ADGRE2: variants seen among roughly 807,000 people sequenced by gnomAD.
ADGRE2 encodes the protein adhesion G protein-coupled receptor E2.
A neutral mutation model predicts 100.8 loss-of-function variants in ADGRE2; 83 were observed. That is an observed-to-expected ratio of 0.82 (90% CI 0.69 to 0.99). The LOEUF (loss-of-function observed/expected upper bound fraction) is 0.99, where lower values mean the gene tolerates loss of function less well. ADGRE2 is among the 50% of genes least tolerant of loss of function. The pLI, the probability that ADGRE2 is intolerant of heterozygous loss-of-function variation, is 0.00. For missense variants in ADGRE2, 814 were observed against 1,035.7 expected, an observed-to-expected ratio of 0.79 and a Z score of 2.94; for synonymous variants, 355 against 413.0, an observed-to-expected ratio of 0.86 and a Z score of 1.70.
At chr19:14,736,936 T>C (rs2147078446) in intron 20 of ADGRE2, among the ~76,000 whole-genome samples, 1 of 104,898 alleles carries the variant, frequency 9.5e-6, no homozygotes. Context: ...TATTTAGAAA[T>C]ATATATGACT....
chr19:14,773,919 T>G lies in ADGRE2; in HGVS notation c.199+19A>C. On this transcript the variant is annotated intron_variant, in intron 4 of 20. Transcript: ENST00000315576. The stretch of plus-strand genomic sequence containing the variant: ...TCATAATCGCAGATGTCCCCTGCGC[T>G]GCCCTCAAGCCTCTGTACCGTCACA... The G allele has an allele frequency of 6.2e-7, 1 of 1,610,502 alleles. No homozygotes were observed. The highest frequency in any genetic ancestry group is 8.5e-7 in the Non-Finnish European group (1 of 1,176,670).
intron 18 of ADGRE2, 74 bp downstream of exon 18, chr19:14,746,158 G>T: frequency 1.2e-6 from 1 of 857,946 alleles, no homozygotes; most frequent in Non-Finnish European, 1.9e-6. Flanking sequence ...GACCTCAGTG[G>T]CTGCTGAGGC....
chr19:14,744,599 C>T (rs1379904828), intron 18 of ADGRE2, among the ~76,000 whole-genome samples: 1 of 151,730 alleles, frequency 6.6e-6, no homozygotes, highest in Non-Finnish European at 1.5e-5. Context: ...GGATTATAGA[C>T]GCCCACCACC....
intron 11 of ADGRE2, among the ~76,000 whole-genome samples, chr19:14,761,193 G>A (rs1199957719): frequency 6.6e-6 from 1 of 152,204 alleles, no homozygotes; most frequent in Admixed American, 6.5e-5. Context: ...CACGAGGTCA[G>A]GACATCAAGA....
intron 5 of ADGRE2, among the ~76,000 whole-genome samples, chr19:14,770,491 C>T (rs779282561): frequency 5.3e-5 from 8 of 152,036 alleles, no homozygotes; most frequent in Non-Finnish European, 8.8e-5. Context: ...AACAGAGGCT[C>T]TCACTGACAA....
chr19:14,769,425 C>G (rs993112659), intron 5 of ADGRE2, among the ~76,000 whole-genome samples: 10 of 152,070 alleles, frequency 6.6e-5, no homozygotes, highest in African/African-American at 2.4e-4. Context: ...GGCCCCAGGT[C>G]TCCTGCCTAT....
chr19:14,777,455 C>T (rs1176135268), intron 1 of ADGRE2, among the ~76,000 whole-genome samples: 1 of 151,528 alleles, frequency 6.6e-6, no homozygotes, highest in African/African-American at 2.4e-5. Flanking sequence ...CATGGCGAAG[C>T]TCGGTTTCTT....
chr19:14,746,998 T>G (rs2043114822), intron 16 of ADGRE2, 36 bp from the exon 17 acceptor site: 1 of 1,557,844 alleles, frequency 6.4e-7, no homozygotes, highest in Admixed American at 1.7e-5. Flanking sequence ...TGCATCAGTT[T>G]TTGGAGATAT....
intron 16 of ADGRE2, among the ~76,000 whole-genome samples, chr19:14,748,657 T>A (rs1035940641): frequency 1.3e-5 from 2 of 152,202 alleles, no homozygotes; most frequent in Non-Finnish European, 2.9e-5. Flanking sequence ...TTTGTGGACA[T>A]CGTTTTCATT....
rs773762022 is a variant in ADGRE2 at position 14,746,930 on chromosome 19, C to T, written c.2057G>A (p.Trp686Ter). 1.9e-6 allele frequency: 3 copies of T among 1,613,570 alleles called. No individual in the cohort carries two copies. In the Admixed American group the frequency reaches 5.0e-5, roughly 27 times the overall value. Reference protein sequence around the residue: ...CWLQPEKGFIWGFLGPVCAIF... With the variant: ...CWLQPEKGFI ...GGCGCAGACAGGTCCAAGGAAGCCCCATATAAATCCCTTTTCTGGTTGGAG... is the reference window on the plus strand; with the variant it reads ...GGCGCAGACAGGTCCAAGGAAGCCCTATATAAATCCCTTTTCTGGTTGGAG... The change falls in exon 17 of 21, where the codon TGG becomes TAG. Residue 686 changes from tryptophan to a stop codon, truncating the protein, a stop_gained. Transcript: ENST00000315576. LOFTEE classifies it high-confidence loss of function.
At chr19:14,773,462 C>T (rs2044300336) in intron 4 of ADGRE2, among the ~76,000 whole-genome samples, 1 of 149,576 alleles carries the variant, frequency 6.7e-6, no homozygotes, top group Admixed American at 6.7e-5. Flanking sequence ...ACAATCCCTC[C>T]CAAAGTGCTG....
intron 18 of ADGRE2, 75 bp downstream of exon 18, chr19:14,746,157 G>T: frequency 1.2e-6 from 1 of 845,522 alleles, no homozygotes; most frequent in South Asian, 1.5e-5. Context: ...GGACCTCAGT[G>T]GCTGCTGAGG....
At chr19:14,740,082 C>T (rs548203479) in intron 20 of ADGRE2, among the ~76,000 whole-genome samples, 1 of 147,538 alleles carries the variant, frequency 6.8e-6, no homozygotes, top group South Asian at 2.1e-4. Flanking sequence ...GCCTGGGTGA[C>T]AGAGCGAGTG....
intron 15 of ADGRE2, among the ~76,000 whole-genome samples, 171 bp downstream of exon 15, chr19:14,752,158 C>T (rs2043317103): frequency 6.6e-6 from 1 of 151,896 alleles, no homozygotes; most frequent in Admixed American, 6.6e-5. Flanking sequence ...GTCTCAAACT[C>T]CCGACCTGAG....
At chr19:14,776,671 G>A in intron 2 of ADGRE2, 55 bp downstream of exon 2, 7 of 1,572,242 alleles carry the variant, frequency 4.5e-6, no homozygotes, top group Non-Finnish European at 6.1e-6. Flanking sequence ...CGCATCCAAG[G>A]GGTCCCGCTG....
In ADGRE2 at chr19:14,774,046, G is replaced by A. The variant is rs748644681; in HGVS notation, c.91C>T (p.Arg31Trp). 9.3e-6 allele frequency: 15 copies of A among 1,613,918 alleles called. No homozygotes were observed. The highest frequency in any genetic ancestry group is 5.5e-5 in the South Asian group (5 of 91,070). The change falls in exon 4 of 21, where the codon CGG becomes TGG. Residue 31 changes from arginine (R) to tryptophan (W), a missense_variant. Transcript: ENST00000315576. ...CACGAGGAGTCCTGAGGGCACCACCGGGCACAGCCTGCAAGAGCAGGGAGC... is the reference window on the plus strand; with the variant it reads ...CACGAGGAGTCCTGAGGGCACCACCAGGCACAGCCTGCAAGAGCAGGGAGC... Reference protein sequence around the residue: ...AETQDSRGCARWCPQDSSCVN... With the variant: ...AETQDSRGCAWWCPQDSSCVN...
rs1480881887 is a variant in ADGRE2 at position 14,752,335 on chromosome 19, T to C, written c.1782A>G (p.Gly594=). Residue 594 remains glycine, a synonymous_variant, in exon 15 of 21, where the codon GGA becomes GGG. Transcript: ENST00000315576. ...GGAACACCGCTGTCAATACCTTGTG[T>C]CCGGTTTGATCAATTGCCACGAGGA... ...LLFLVAIDQT[G]HKVLCSIIAG... 6.2e-7 allele frequency: 1 copy of C among 1,613,972 alleles called. No individual in the cohort carries two copies.
the ADGRE2 span, among the ~76,000 whole-genome samples, chr19:14,727,274 C>T: frequency 1.6e-4 from 25 of 152,214 alleles, no homozygotes; most frequent in East Asian, 5.8e-4. Context: ...GTGATCCGCC[C>T]GCCTTGGCCT....
At chr19:14,759,505 T>A (rs3057552) in intron 11 of ADGRE2, among the ~76,000 whole-genome samples, 19,815 of 61,222 alleles carry the variant, frequency 0.32, 1,597 homozygotes, top group Middle Eastern at 0.48. Context: ...ATATATATAT[T>A]TTTTTTTTTT....
Sources: gnomAD v4.1 joint callset for allele counts (sites outside exome capture counted in the v4.1 genomes callset) on GRCh38, gnomAD v4.1.1 for gene constraint, MANE v1.5 for transcripts, NCBI Gene and HGNC (gene_info 2026-07-23, HGNC 2026-07-21) for gene names.